Variants in EEF1D observed in about 807,000 individuals in gnomAD.
The protein encoded by EEF1D is elongation factor 1-delta.
A neutral mutation model predicts 63.9 loss-of-function variants in EEF1D; 47 were observed. That is an observed-to-expected ratio of 0.74 (90% CI 0.58 to 0.94). EEF1D has a LOEUF of 0.94. EEF1D is among the 40% of genes least tolerant of loss of function. The pLI is 0.00. For missense variants in EEF1D, 907 were observed against 899.0 expected (o/e 1.01, Z -0.11); for synonymous variants, 412 against 386.1 (o/e 1.07, Z -0.79).
At chr8:143,590,120 G>A (rs1827680379) in intron 2 of EEF1D, 39 bp from the exon 3 acceptor site, 1 of 1,598,006 alleles carries the variant, frequency 6.3e-7, no homozygotes, top group Non-Finnish European at 8.5e-7. Flanking sequence ...AGAGGGCAGA[G>A]TTGCAACACA....
chr8:143,590,052 C>A lies in EEF1D; in HGVS notation c.30G>T (p.Leu10=). MRSGKASCT[L]ETVWEDKHKY... is the part of the protein sequence containing the mutation. ...TGTGCTTGTCTTCCCACACGGTCTC[C>A]AGGGTGCAGGAGGCCTTCCCGCTCC... The change falls in exon 3 of 10, where the codon CTG becomes CTT. Residue 10 remains leucine (L), a synonymous_variant. Transcript: ENST00000618139. The A allele has an allele frequency of 6.3e-7, 1 of 1,598,836 alleles. No homozygotes were observed. Among genetic ancestry groups the A allele is most frequent in the Non-Finnish European group, 8.5e-7 (1 of 1,179,872 alleles).
intron 1 of EEF1D, among the ~76,000 whole-genome samples, chr8:143,593,553 T>G (rs1828321643): frequency 6.6e-6 from 1 of 152,074 alleles, no homozygotes; most frequent in Admixed American, 6.5e-5. Context: ...CCCACCTCTG[T>G]GCACCCCACA....
In EEF1D at chr8:143,590,170, G is replaced by A. The variant is rs551292915; in HGVS notation, c.1-89C>T. The A allele has an allele frequency of 8.2e-4, 1,039 of 1,274,244 alleles. 2 individuals carry two copies. Among genetic ancestry groups the A allele is most frequent in the Non-Finnish European group, 9.2e-4 (901 of 981,378 alleles). The allele number at this position is 1,274,244 out of a possible 1,614,324, so 78.9% of individuals were successfully genotyped here. On this transcript the variant is annotated intron_variant, in intron 2 of 9. Coordinates refer to ENST00000618139, the MANE Select transcript of EEF1D (RefSeq NM_001130053.5). ...CCCCGTGCCCACCCTCCCCGTGCCC[G>A]CCCTCCCCGTGGCTGCCCTCCCTGG... is the stretch of plus-strand genomic sequence containing the variant.
In EEF1D at chr8:143,580,506, A is replaced by G; in HGVS notation, c.1710T>C (p.Pro570=). The part of the protein sequence containing the change: ...AKSSILLDVK[P]WDDETDMAQL... ...CTGAAGCCCCACCCCGCCCACTCAC[A>G]GGCTTGACATCCAGCAGGATGGAGG... Residue 570 remains proline (P), a splice_region_variant and synonymous_variant, in exon 8 of 10, where the codon CCT becomes CCC. Coordinates refer to ENST00000618139, the MANE Select transcript of EEF1D (RefSeq NM_001130053.5). The G allele has an allele frequency of 6.2e-7, 1 of 1,611,190 alleles. No homozygotes were observed. The highest frequency in any genetic ancestry group is 8.5e-7 in the Non-Finnish European group (1 of 1,178,750).
At position 143,589,494 on chromosome 8, in the gene EEF1D, A is replaced by G. The variant is rs749929047; in HGVS notation, c.588T>C (p.Thr196=). The G allele has an allele frequency of 2.6e-6, 4 of 1,523,276 alleles. No homozygotes were observed. The highest frequency in any genetic ancestry group is 4.8e-5 in the East Asian group (2 of 41,824). 94.4% of individuals were successfully genotyped at this position (1,523,276 alleles called of 1,614,324 possible). Residue 196 remains threonine (T), a synonymous_variant, in exon 3 of 10, where the codon ACT becomes ACC. Transcript: ENST00000618139. ...CGGCCACCTGCTGGCCTGTGTTGGG[A>G]GTCCCCTGCCTGCGGCTGCCGTCGG... ...LAPDGSRRQG[T]PNTGQQVAVP... is the part of the protein sequence containing the mutation.
chr8:143,589,724 G>C lies in EEF1D; in HGVS notation c.358C>G (p.Gln120Glu), dbSNP rs779942339. Residue 120 changes from glutamine to glutamate, a missense_variant, in exon 3 of 10, where the codon CAG (glutamine) becomes GAG (glutamate). Gln to Glu is a conservative substitution (Grantham distance 29). Coordinates refer to ENST00000618139, the MANE Select transcript of EEF1D (RefSeq NM_001130053.5). ...RVWLDKSLFD[Q>E]AESSYRQKLA... ...TTCTGGCGGTAGGAGCTCTCTGCCT[G>C]GTCGAAAAGTGACTTGTCCAGCCAC... 18 of 1,523,472 alleles carry C rather than the reference G, an allele frequency of 1.2e-5. No homozygotes were observed. The highest frequency in any genetic ancestry group is 1.5e-5 in the Non-Finnish European group (17 of 1,135,942). 94.4% of individuals were successfully genotyped at this position (1,523,472 alleles called of 1,614,324 possible).
At chr8:143,596,297 G>A (rs931233819) in intron 1 of EEF1D, 1 of 152,302 alleles carries the variant, frequency 6.6e-6, no homozygotes, top group Non-Finnish European at 1.5e-5. Context: ...ACAGAGGCAG[G>A]TCTAGGAGCC....
chr8:143,595,493 C>G (rs1828646264), intron 1 of EEF1D, among the ~76,000 whole-genome samples: 2 of 152,218 alleles, frequency 1.3e-5, no homozygotes, highest in Admixed American at 1.3e-4. Context: ...CATGAGCCAC[C>G]ACGCCCAGCC....
At chr8:143,594,149 TG>T (rs1176673370) in intron 1 of EEF1D, 1 of 153,424 alleles carries the variant, frequency 6.5e-6, no homozygotes, top group African/African-American at 2.4e-5. Flanking sequence ...CAGGGGGAAG[TG>T]GCCAAAGTGT....
chr8:143,586,520 G>A (rs1443256087), intron 4 of EEF1D, among the ~76,000 whole-genome samples: 1 of 152,188 alleles, frequency 6.6e-6, no homozygotes, highest in African/African-American at 2.4e-5. Flanking sequence ...CACACCAAGT[G>A]CACAGGCGCC....
At chr8:143,593,997 G>A (rs545371834) in intron 1 of EEF1D, 12 of 856,546 alleles carry the variant, frequency 1.4e-5, no homozygotes, top group Middle Eastern at 6.0e-4. Context: ...AGGACACAGC[G>A]ACTCTTTCAA....
At chr8:143,580,245 C>T (rs1187464715) in intron 8 of EEF1D, 39 bp from the exon 9 acceptor site, 1 of 1,595,386 alleles carries the variant, frequency 6.3e-7, no homozygotes, top group Admixed American at 1.7e-5. Context: ...GTCAGCCACC[C>T]TCAGAACACC....
In EEF1D at chr8:143,589,974, G is replaced by A. The variant is rs1332807715; in HGVS notation, c.108C>T (p.Ala36=). ...RFYEHEATQA[A]ASAQQLPAEG... ...CGGCTGGCAGCTGCTGGGCGGAGGC[G>A]GCCGCCTGTGTGGCCTCGTGTTCGT... Residue 36 remains alanine (A), a synonymous_variant, in exon 3 of 10, where the codon GCC becomes GCT. Coordinates refer to ENST00000618139, the MANE Select transcript of EEF1D (RefSeq NM_001130053.5). The A allele has an allele frequency of 8.1e-6, 13 of 1,599,136 alleles. No homozygotes were observed. Among genetic ancestry groups the A allele is most frequent in the South Asian group, 2.2e-5 (2 of 91,032 alleles).
rs766726716 is a variant in EEF1D at position 143,589,875 on chromosome 8, G to A, written c.207C>T (p.Gly69=). Residue 69 remains glycine, a synonymous_variant, in exon 3 of 10, where the codon GGC becomes GGT. Coordinates refer to ENST00000618139, the MANE Select transcript of EEF1D (RefSeq NM_001130053.5). ...DADEAEAPDG[G]SRRDPRKSQD... ...GGCTCTTCCTGGGATCACGCCTGCT[G>A]CCGCCGTCAGGGGCTTCCGCCTCAT... 1 of 1,600,072 alleles carries A rather than the reference G, an allele frequency of 6.2e-7. No homozygotes were observed. Among genetic ancestry groups the A allele is most frequent in the Admixed American group, 1.7e-5 (1 of 59,492 alleles).
chr8:143,589,718 C>T lies in EEF1D; in HGVS notation c.364G>A (p.Glu122Lys), dbSNP rs1032810554. 34 of 1,524,306 alleles carry T rather than the reference C, an allele frequency of 2.2e-5. No individual in the cohort carries two copies. In the Admixed American group the frequency reaches 3.3e-4, roughly 15 times the overall value. 94.4% of individuals were successfully genotyped at this position (1,524,306 alleles called of 1,614,324 possible). A position where few individuals can be genotyped will look rare whatever the true frequency, so the allele number is the denominator to read the frequency against. The part of the protein sequence containing the change: ...WLDKSLFDQA[E>K]SSYRQKLADV... ...GCCAGCTTCTGGCGGTAGGAGCTCTCTGCCTGGTCGAAAAGTGACTTGTCC... is the reference window on the plus strand; with the variant it reads ...GCCAGCTTCTGGCGGTAGGAGCTCTTTGCCTGGTCGAAAAGTGACTTGTCC... Residue 122 changes from glutamate to lysine, a missense_variant, in exon 3 of 10, where the codon GAG becomes AAG. Transcript: ENST00000618139.
At chr8:143,586,410 A>G (rs1305595472) in intron 4 of EEF1D, 120 bp from the exon 5 acceptor site, 5 of 1,007,302 alleles carry the variant, frequency 5.0e-6, no homozygotes, top group Non-Finnish European at 7.1e-6. Flanking sequence ...TACTGCACAG[A>G]ACGAGAGCTT....
chr8:143,596,327 T>C (rs1828811274), intron 1 of EEF1D: 1 of 152,248 alleles, frequency 6.6e-6, no homozygotes, highest in Non-Finnish European at 1.5e-5. Flanking sequence ...CTGAGGCATG[T>C]GGTGAGAAGG....
Position 143,580,109 on chromosome 8 carries a change from C to G in EEF1D, c.1808G>C (p.Gly603Ala). The change falls in exon 9 of 10, where the codon GGC becomes GCC. Residue 603 changes from glycine (G) to alanine (A), a missense_variant. Physicochemically the swap from Gly to Ala is moderately conservative, Grantham distance 60. Coordinates refer to ENST00000618139, the MANE Select transcript of EEF1D (RefSeq NM_001130053.5). The part of the protein sequence containing the change: ...VWGASKLVPV[G>A]YGIRKLQIQC... ...AATCTGTAGCTTCCGGATACCGTAG[C>G]CCACGGGCACCAGCTTGGAAGCCCC... 1 of 1,614,002 alleles carries G rather than the reference C, an allele frequency of 6.2e-7. No homozygotes were observed. Among genetic ancestry groups the G allele is most frequent in the Non-Finnish European group, 8.5e-7 (1 of 1,180,018 alleles).
At chr8:143,580,804 CCCT>C (rs1169997801) in intron 7 of EEF1D, 77 bp from the exon 8 acceptor site, 1 of 1,506,916 alleles carries the variant, frequency 6.6e-7, no homozygotes, top group African/African-American at 1.4e-5. Context: ...CACCTCCTGG[CCCT>C]CCTCCCTCCT....
Sources: allele counts gnomAD v4.1 joint callset (sites outside exome capture counted in the v4.1 genomes callset), GRCh38; gene constraint gnomAD v4.1.1; transcripts MANE v1.5; gene names NCBI Gene and HGNC (gene_info 2026-07-23, HGNC 2026-07-21).